The following MAP1LC3A variants were observed in gnomAD, a reference collection of about 807,000 sequenced individuals.
MAP1LC3A encodes microtubule associated protein 1 light chain 3 alpha.
In MAP1LC3A, 10 loss-of-function variants were observed where a neutral mutation model predicts 15.2. That is an observed-to-expected ratio of 0.66 (90% CI 0.41 to 1.12). The LOEUF (loss-of-function observed/expected upper bound fraction) is 1.12. Ranked by LOEUF, MAP1LC3A falls within the 50% of genes most tolerant of loss-of-function variation. MAP1LC3A has a pLI of 0.00. For synonymous variants in MAP1LC3A, 63 were observed against 64.3 expected, an observed-to-expected ratio of 0.98 and a Z score of 0.10; for missense variants, 138 against 167.3, an observed-to-expected ratio of 0.82 and a Z score of 0.97.
rs1982382187 is a variant in MAP1LC3A at position 34,559,973 on chromosome 20, G to T, written c.*75G>T. 6.7e-7 allele frequency: 1 copy of T among 1,486,084 alleles called. No homozygotes were observed. Among genetic ancestry groups the T allele is most frequent in the East Asian group, 2.3e-5 (1 of 43,438 alleles). 92.1% of individuals were successfully genotyped at this position (1,486,084 alleles called of 1,614,324 possible). A position where few individuals can be genotyped will look rare whatever the true frequency, so the allele number is the denominator to read the frequency against. On this transcript the variant is annotated 3_prime_UTR_variant, in exon 4 of 4. Coordinates refer to ENST00000360668, the MANE Select transcript of MAP1LC3A (RefSeq NM_032514.4). The stretch of plus-strand genomic sequence containing the variant: ...CCTGCCCAGAGAGCTCCTGGTTCCT[G>T]AACTGAGCTGCCTCTACCGTGGTGG...
intron 2 of MAP1LC3A, among the ~76,000 whole-genome samples, chr20:34,552,611 G>A (rs961041415): frequency 6.6e-5 from 10 of 152,264 alleles, no homozygotes; most frequent in African/African-American, 2.4e-4. Context: ...TCAGCCCTTG[G>A]CTCTTACTCT....
upstream of MAP1LC3A, among the ~76,000 whole-genome samples, chr20:34,556,594 A>G (rs535618086): frequency 6.8e-6 from 1 of 146,856 alleles, no homozygotes. Flanking sequence ...ATATATTTTC[A>G]GCCTCTTTTT....
At chr20:34,554,276 T>C (rs1982058106), upstream of MAP1LC3A, among the ~76,000 whole-genome samples, 1 of 152,030 alleles carries the variant, frequency 6.6e-6, no homozygotes, top group Non-Finnish European at 1.5e-5. Context: ...CATTTGTTCC[T>C]GGCTTTTAAG....
At position 34,558,941 on chromosome 20, in the gene MAP1LC3A, G is replaced by A; in HGVS notation, c.40+33G>A. 2 of 1,365,650 alleles carry A rather than the reference G, an allele frequency of 1.5e-6. No homozygotes were observed. Among genetic ancestry groups the A allele is most frequent in the Non-Finnish European group, 1.9e-6 (2 of 1,065,198 alleles). The allele number at this position is 1,365,650 out of a possible 1,614,324, so 84.6% of individuals were successfully genotyped here. A position where few individuals can be genotyped will look rare whatever the true frequency, so the allele number is the denominator to read the frequency against. On this transcript the variant is annotated intron_variant, in intron 1 of 3. Transcript: ENST00000360668. This position sits in a 1 kb window ranked among gnomAD's most constrained non-coding sequence, Gnocchi z 4.3. ...CCGGCAGGCGAGCTGCGAGCTCTGG[G>A]GCAGGGGTGCCGGCCGACCCCGACT...
At chr20:34,549,164 T>C (rs1023110114) in intron 1 of MAP1LC3A, among the ~76,000 whole-genome samples, 3 of 152,192 alleles carry the variant, frequency 2.0e-5, no homozygotes, top group African/African-American at 7.2e-5. Context: ...TAGCTGGGAT[T>C]GCAGGCATGC....
At chr20:34,550,849 G>A (rs992037022) in intron 2 of MAP1LC3A, among the ~76,000 whole-genome samples, 1 of 152,084 alleles carries the variant, frequency 6.6e-6, no homozygotes, top group Admixed American at 6.6e-5. Context: ...TCACAGAAAC[G>A]TTCAGAGCAG....
intron 3 of MAP1LC3A, 26 bp from the exon 4 acceptor site, chr20:34,559,710 G>A: frequency 6.3e-7 from 1 of 1,590,358 alleles, no homozygotes; most frequent in Non-Finnish European, 8.5e-7. Context: ...GCCCCTCACA[G>A]CTGCATACTC....
chr20:34,548,447 G>T (rs1568608970), intron 1 of MAP1LC3A, among the ~76,000 whole-genome samples: 2 of 152,122 alleles, frequency 1.3e-5, no homozygotes, highest in Non-Finnish European at 2.9e-5. Flanking sequence ...CTCACTCAGG[G>T]AGGTGGAGTT....
upstream of MAP1LC3A, chr20:34,558,204 C>T (rs909438833): frequency 3.1e-6 from 3 of 975,976 alleles, no homozygotes; most frequent in Non-Finnish European, 3.7e-6. The surrounding 1 kb of genome is among the most constrained non-coding windows in gnomAD (Gnocchi z 4.3). Context: ...TCACCTCATC[C>T]TCTGAGACCT....
upstream of MAP1LC3A, among the ~76,000 whole-genome samples, chr20:34,554,353 GGTTTTTTTTTTTTTTTTTTTTTT>G (rs1337724634): frequency 1.6e-5 from 2 of 124,096 alleles, no homozygotes; most frequent in Admixed American, 8.7e-5. Flanking sequence ...CTATACGTTG[GGTTTTTTTTTTTTTTTTTTTTTT>G]TTTTTTTTTT....
chr20:34,550,918 G>A (rs1420585865), intron 2 of MAP1LC3A, among the ~76,000 whole-genome samples: 1 of 152,092 alleles, frequency 6.6e-6, no homozygotes, highest in Non-Finnish European at 1.5e-5. Flanking sequence ...TGGAAAAACT[G>A]CTACATCCAT....
chr20:34,550,131 G>A (rs1025419513), intron 2 of MAP1LC3A: 20 of 1,183,484 alleles, frequency 1.7e-5, no homozygotes, highest in South Asian at 2.5e-5. Context: ...TGCTCCGCCC[G>A]TGTGCCAGGC....
In MAP1LC3A at chr20:34,559,470, C is replaced by A; in HGVS notation, c.203+17C>A. The stretch of plus-strand genomic sequence containing the variant: ...GATCATCCGGTGCGTGGGCAGCCGC[C>A]GCCAGGAGGTGGCTAGGGTCGGGAG... On this transcript the variant is annotated intron_variant, in intron 3 of 3. Coordinates refer to ENST00000360668, the MANE Select transcript of MAP1LC3A (RefSeq NM_032514.4). The A allele has an allele frequency of 1.2e-6, 2 of 1,604,658 alleles. No individual in the cohort carries two copies. Among genetic ancestry groups the A allele is most frequent in the Non-Finnish European group, 1.7e-6 (2 of 1,174,500 alleles).
upstream of MAP1LC3A, among the ~76,000 whole-genome samples, chr20:34,557,909 C>T (rs1982218370): frequency 6.6e-6 from 1 of 152,092 alleles, no homozygotes; most frequent in African/African-American, 2.4e-5. Context: ...AGCCTGGCGA[C>T]AGAACGAGAC....
chr20:34,559,629 C>A, intron 3 of MAP1LC3A, 107 bp from the exon 4 acceptor site: 1 of 1,337,968 alleles, frequency 7.5e-7, no homozygotes, highest in Non-Finnish European at 1.0e-6. Context: ...GAGGTGACAG[C>A]TGGGGTGAGA....
chr20:34,548,348 G>A (rs974285543), intron 1 of MAP1LC3A, among the ~76,000 whole-genome samples: 5 of 152,190 alleles, frequency 3.3e-5, no homozygotes, highest in East Asian at 1.9e-4. Flanking sequence ...TGGAGGCTGC[G>A]AAGGCCGCGG....
At chr20:34,559,108 G>C in intron 1 of MAP1LC3A, 100 bp from the exon 2 acceptor site, 2 of 1,362,348 alleles carry the variant, frequency 1.5e-6, no homozygotes, top group Non-Finnish European at 9.5e-7. Flanking sequence ...CCGGGGGTGG[G>C]GGCTGGAGCT....
At chr20:34,555,083 C>T (rs1297487377), upstream of MAP1LC3A, among the ~76,000 whole-genome samples, 1 of 151,572 alleles carries the variant, frequency 6.6e-6, no homozygotes, top group Non-Finnish European at 1.5e-5. Context: ...CTCTGTCACT[C>T]AAACGATCCT....
upstream of MAP1LC3A, among the ~76,000 whole-genome samples, chr20:34,554,886 T>C (rs1251995199): frequency 1.3e-5 from 2 of 151,644 alleles, no homozygotes; most frequent in African/African-American, 2.4e-5. Flanking sequence ...ATTTTTTTTT[T>C]TTGTAGAGAT....
Sources: gnomAD v4.1 joint callset for allele counts (sites outside exome capture counted in the v4.1 genomes callset) on GRCh38, gnomAD v4.1.1 for gene constraint, Gnocchi (gnomAD v3.1) non-coding constraint, MANE v1.5 for transcripts, NCBI Gene and HGNC (gene_info 2026-07-23, HGNC 2026-07-21) for gene names.